RFC5: variants seen among roughly 807,000 people sequenced by gnomAD.
RFC5 encodes the protein replication factor C subunit 5.
A neutral mutation model predicts 44.3 loss-of-function variants in RFC5; 26 were observed. The ratio of observed to expected loss-of-function variants is 0.59; its 90% CI spans 0.43 to 0.81. The LOEUF is 0.81. Ranked by LOEUF, RFC5 falls within the 40% of genes least tolerant of loss-of-function variation. The pLI is 0.00. For missense variants in RFC5, 328 were observed against 418.6 expected, an observed-to-expected ratio of 0.78 and a Z score of 1.89; for synonymous variants, 155 against 155.2, an observed-to-expected ratio of 1.00 and a Z score of 0.01.
chr12:118,035,481 A>G (rs1040082753), downstream of RFC5, among the ~76,000 whole-genome samples: 6 of 152,074 alleles, frequency 3.9e-5, no homozygotes, highest in East Asian at 1.9e-4. Context: ...GCACACTGGG[A>G]AAAAAAAGGG....
chr12:118,031,439 A>AC lies in RFC5; in HGVS notation c.*163dup. On this transcript the variant is annotated 3_prime_UTR_variant, in exon 11 of 11. Transcript: ENST00000454402. ...GAGGATGGGCAGGCATTTAAAAAGT[A>AC]CCATTTTTGTGGTTGTTTGGAGCAG... 2.0e-6 allele frequency: 1 copy of AC among 496,996 alleles called. No individual in the cohort carries two copies. Among genetic ancestry groups the AC allele is most frequent in the African/African-American group, 1.9e-5 (1 of 51,434 alleles). The allele number at this position is 496,996 out of a possible 1,614,324, so 30.8% of individuals were successfully genotyped here. A position where few individuals can be genotyped will look rare whatever the true frequency, so the allele number is the denominator to read the frequency against.
downstream of RFC5, chr12:118,036,315 C>A (rs781758176): frequency 6.2e-7 from 1 of 1,603,958 alleles, no homozygotes; most frequent in Admixed American, 1.7e-5. Flanking sequence ...ACAAAAAAGT[C>A]ATAGCAGGGA....
chr12:118,024,100 C>T (rs982389927), intron 5 of RFC5, among the ~76,000 whole-genome samples: 1 of 151,932 alleles, frequency 6.6e-6, no homozygotes, highest in African/African-American at 2.4e-5. Context: ...CCTGTAATCC[C>T]AAAGGCCAAG....
At position 118,025,776 on chromosome 12, in the gene RFC5, C is replaced by G; in HGVS notation, c.611C>G (p.Ala204Gly). 6.2e-7 allele frequency: 1 copy of G among 1,609,090 alleles called. No individual in the cohort carries two copies. Among genetic ancestry groups the G allele is most frequent in the Non-Finnish European group, 8.5e-7 (1 of 1,176,988 alleles). Residue 204 changes from alanine to glycine, a missense_variant, in exon 7 of 11, where the codon GCA becomes GGA. Ala to Gly is a moderately conservative substitution (Grantham distance 60). Coordinates refer to ENST00000454402, the MANE Select transcript of RFC5 (RefSeq NM_007370.7). Reference protein sequence around the residue: ...KVDISEDGMKALVTLSSGDMR... With the variant: ...KVDISEDGMKGLVTLSSGDMR... Reference sequence around the variant, plus strand: ...GATATAAGTGAAGATGGAATGAAAGCACTAGTCACTCTTTCCAGTGGAGAC... The same window carrying G: ...GATATAAGTGAAGATGGAATGAAAGGACTAGTCACTCTTTCCAGTGGAGAC...
At chr12:118,017,983 C>T in intron 1 of RFC5, 1 of 698,838 alleles carries the variant, frequency 1.4e-6, no homozygotes, top group South Asian at 1.5e-5. Context: ...CCCCATTCTC[C>T]CCTTCCTCTA....
the RFC5 span, among the ~76,000 whole-genome samples, chr12:118,040,482 C>T: frequency 3.3e-5 from 5 of 152,012 alleles, no homozygotes; most frequent in African/African-American, 7.2e-5. Context: ...CACTGCCAGC[C>T]GAGCGTGGTA....
intron 10 of RFC5, among the ~76,000 whole-genome samples, chr12:118,030,661 CAG>C (rs1413456818): frequency 2.0e-5 from 3 of 152,120 alleles, no homozygotes; most frequent in African/African-American, 4.8e-5. Context: ...TTTTTTGAGA[CAG>C]AGTCCCACTC....
At chr12:118,035,610 T>C, downstream of RFC5, 1 of 348,228 alleles carries the variant, frequency 2.9e-6, no homozygotes, top group South Asian at 4.0e-5. Flanking sequence ...ACTGCAAGTC[T>C]TTTTTAGGCT....
At chr12:118,039,650 AAAT>A in the RFC5 span, among the ~76,000 whole-genome samples, 1 of 152,282 alleles carries the variant, frequency 6.6e-6, no homozygotes, top group South Asian at 2.1e-4. Context: ...AAAGAAGAAA[AAAT>A]AATTGTTATA....
downstream of RFC5, chr12:118,038,047 A>G (rs774629883): frequency 2.9e-4 from 112 of 382,514 alleles, no homozygotes; most frequent in Non-Finnish European, 4.4e-4. Flanking sequence ...TTGTTTTCCC[A>G]TTTTATAAAG....
the RFC5 span, among the ~76,000 whole-genome samples, chr12:118,038,738 T>A: frequency 6.6e-6 from 1 of 152,134 alleles, no homozygotes; most frequent in African/African-American, 2.4e-5. Flanking sequence ...TAGAATACAG[T>A]GGCGCGATCT....
intron 10 of RFC5, among the ~76,000 whole-genome samples, chr12:118,030,627 G>C (rs1039687147): frequency 6.6e-6 from 1 of 152,112 alleles, no homozygotes; most frequent in Non-Finnish European, 1.5e-5. Flanking sequence ...GAACACCGCT[G>C]TTGACACCTA....
chr12:118,040,641 G>C, the RFC5 span, among the ~76,000 whole-genome samples: 1 of 150,124 alleles, frequency 6.7e-6, no homozygotes, highest in Non-Finnish European at 1.5e-5. Context: ...CACACCTGGA[G>C]GAGGCTCTGT....
chr12:118,017,693 C>A, intron 1 of RFC5: 2 of 782,954 alleles, frequency 2.6e-6, no homozygotes, highest in Non-Finnish European at 3.5e-6. Flanking sequence ...TTTTTAGAGA[C>A]AGGGTCTCGC....
the RFC5 span, among the ~76,000 whole-genome samples, chr12:118,040,127 C>T: frequency 6.6e-6 from 1 of 151,944 alleles, no homozygotes; most frequent in Admixed American, 6.6e-5. Flanking sequence ...AAGCCGAGAT[C>T]GCAGCATTGC....
intron 1 of RFC5, 103 bp from the exon 2 acceptor site, chr12:118,018,969 G>A: frequency 1.2e-6 from 1 of 862,474 alleles, no homozygotes; most frequent in Non-Finnish European, 1.9e-6. Flanking sequence ...AAAGTGCTGG[G>A]ATTACAGGCA....
At chr12:118,017,124 T>C (rs1296368848) in intron 1 of RFC5, among the ~76,000 whole-genome samples, 1 of 152,134 alleles carries the variant, frequency 6.6e-6, no homozygotes, top group Non-Finnish European at 1.5e-5. Context: ...CCAGCTCCAT[T>C]TGCCGAAGAA....
chr12:118,028,343 G>T (rs1356262890), intron 9 of RFC5, among the ~76,000 whole-genome samples: 1 of 152,026 alleles, frequency 6.6e-6, no homozygotes, highest in African/African-American at 2.4e-5. Context: ...AAATTAGCCT[G>T]GCATGGTGGC....
intron 8 of RFC5, among the ~76,000 whole-genome samples, 165 bp from the exon 9 acceptor site, chr12:118,027,786 AAT>A (rs1188891909): frequency 6.6e-6 from 1 of 152,170 alleles, no homozygotes; most frequent in Admixed American, 6.5e-5. Context: ...AACAAAGAAA[AAT>A]AAAGAATTGG....
Sources: gnomAD v4.1 joint callset for allele counts (sites outside exome capture counted in the v4.1 genomes callset) on GRCh38, gnomAD v4.1.1 for gene constraint, MANE v1.5 for transcripts, NCBI Gene and HGNC (gene_info 2026-07-23, HGNC 2026-07-21) for gene names.